The following SERP2 variants were observed in gnomAD, a reference collection of about 807,000 sequenced individuals.
SERP2 encodes stress associated endoplasmic reticulum protein family member 2.
Under a neutral mutation model 9.1 loss-of-function variants are expected in SERP2, and 6 were observed. The observed-to-expected ratio is 0.66, with a 90% CI of 0.36 to 1.30. SERP2 has a LOEUF of 1.30. Among genes scored for constraint, SERP2 ranks in the 50% most tolerant of loss-of-function variants. The pLI is 0.03. For missense variants in SERP2, 58 were observed against 81.9 expected, an observed-to-expected ratio of 0.71 and a Z score of 1.13; for synonymous variants, 37 against 27.3, an observed-to-expected ratio of 1.35 and a Z score of -1.10.
chr13:44,380,170 G>A (rs2138781146), intron 2 of SERP2, among the ~76,000 whole-genome samples: 1 of 152,308 alleles, frequency 6.6e-6, no homozygotes, highest in South Asian at 2.1e-4. Context: ...TGGGTCACCT[G>A]ATACTGTAAG....
intron 2 of SERP2, among the ~76,000 whole-genome samples, chr13:44,387,664 T>C (rs771857699): frequency 6.6e-6 from 1 of 152,224 alleles, no homozygotes; most frequent in Non-Finnish European, 1.5e-5. Context: ...ATTGACAGGA[T>C]GCAGCAATCT....
chr13:44,390,195 G>C (rs1384518141), intron 2 of SERP2, among the ~76,000 whole-genome samples: 2 of 152,320 alleles, frequency 1.3e-5, no homozygotes, highest in East Asian at 3.9e-4. Flanking sequence ...GAAAAAGTGT[G>C]TTTTCCAGAG....
At chr13:44,389,360 A>G (rs375331578) in intron 2 of SERP2, among the ~76,000 whole-genome samples, 147 of 152,316 alleles carry the variant, frequency 9.7e-4, no homozygotes, top group African/African-American at 3.3e-3. Flanking sequence ...AGAGGATGGT[A>G]CTGGTTCCTA....
chr13:44,374,431 T>C (rs1871520379), intron 1 of SERP2, among the ~76,000 whole-genome samples: 1 of 152,236 alleles, frequency 6.6e-6, no homozygotes, highest in Admixed American at 6.5e-5. Flanking sequence ...AGCTGGGCCT[T>C]GTCCCGGAGA....
chr13:44,392,333 G>A (rs1163330262), intron 2 of SERP2, among the ~76,000 whole-genome samples: 3 of 151,978 alleles, frequency 2.0e-5, no homozygotes, highest in Non-Finnish European at 4.4e-5. Flanking sequence ...TGATGTGCAG[G>A]TCATGAAGGC....
chr13:44,388,139 C>CT (rs11357439), intron 2 of SERP2, among the ~76,000 whole-genome samples: 5 of 148,432 alleles, frequency 3.4e-5, no homozygotes, highest in African/African-American at 1.2e-4. Context: ...GGTTTTTGGT[C>CT]TTTTTTTTTT....
intron 2 of SERP2, among the ~76,000 whole-genome samples, chr13:44,383,071 C>T (rs922560910): frequency 3.3e-5 from 5 of 152,098 alleles, no homozygotes; most frequent in South Asian, 2.1e-4. Flanking sequence ...CACTATGTGG[C>T]GGTGGCATGG....
intron 2 of SERP2, among the ~76,000 whole-genome samples, chr13:44,394,311 G>A (rs892759765): frequency 5.3e-5 from 8 of 152,094 alleles, no homozygotes; most frequent in African/African-American, 1.9e-4. Context: ...TTTTAGTGGA[G>A]ACGGGATTTC....
intron 2 of SERP2, among the ~76,000 whole-genome samples, chr13:44,395,178 A>G (rs1873016114): frequency 6.6e-6 from 1 of 152,180 alleles, no homozygotes; most frequent in African/African-American, 2.4e-5. Flanking sequence ...TGACATTCCT[A>G]TTGAGCCAGA....
In SERP2 at chr13:44,374,761, C is replaced by G. The variant is rs181006194; in HGVS notation, c.84+652C>G. 2.3e-3 allele frequency among the ~76,000 whole-genome samples: 343 copies of G among 152,224 alleles called. 1 individual carries two copies. The highest frequency in any genetic ancestry group is 7.8e-3 in the African/African-American group (322 of 41,524). On this transcript the variant is annotated intron_variant, in intron 1 of 2. Transcript: ENST00000379179. Reference sequence around the variant, plus strand: ...TTTGGACCCACATTCCCTCCAGCCTCTTTTTTCTCTTTTACCTCTCTTCCA... The same window carrying G: ...TTTGGACCCACATTCCCTCCAGCCTGTTTTTTCTCTTTTACCTCTCTTCCA...
rs186003345 is a variant in SERP2 at position 44,381,911 on chromosome 13, T to C, written c.157+2198T>C. Among the ~76,000 whole-genome samples the C allele has an allele frequency of 2.7e-4, 41 of 152,292 alleles. No individual in the cohort carries two copies. The East Asian group carries it at 7.3e-3, about 27-fold the overall frequency. Reference sequence around the variant, plus strand: ...AGGTTCATTTCCCTCCAGTAGGATATAAGCTCAGGGGAGACAGTGTTTATT... The same window carrying C: ...AGGTTCATTTCCCTCCAGTAGGATACAAGCTCAGGGGAGACAGTGTTTATT... On this transcript the variant is annotated intron_variant, in intron 2 of 2. Transcript: ENST00000379179.
intron 1 of SERP2, among the ~76,000 whole-genome samples, chr13:44,377,514 T>C (rs905921803): frequency 1.3e-5 from 2 of 152,230 alleles, no homozygotes; most frequent in Non-Finnish European, 2.9e-5. Context: ...GGCACAGTTA[T>C]CTTATGCAAT....
chr13:44,373,936 G>T lies in SERP2; in HGVS notation c.-90G>T. Reference sequence around the variant, plus strand: ...CACCTGCAGCGCCCGGGTGGGCCGCGGGGGCCTCGGCGGGACGCGCTCGGC... The same window carrying T: ...CACCTGCAGCGCCCGGGTGGGCCGCTGGGGCCTCGGCGGGACGCGCTCGGC... On this transcript the variant is annotated 5_prime_UTR_variant, in exon 1 of 3. Transcript: ENST00000379179. This position sits in a 1 kb window ranked among gnomAD's most constrained non-coding sequence, Gnocchi z 4.8. 8.0e-7 allele frequency: 1 copy of T among 1,251,232 alleles called. No individual in the cohort carries two copies. Among genetic ancestry groups the T allele is most frequent in the Non-Finnish European group, 1.1e-6 (1 of 893,492 alleles). The allele number at this position is 1,251,232 out of a possible 1,614,324, so 77.5% of individuals were successfully genotyped here. A position where few individuals can be genotyped will look rare whatever the true frequency, so the allele number is the denominator to read the frequency against.
rs559384580 is a variant in SERP2 at position 44,382,321 on chromosome 13, C to T, written c.157+2608C>T. Among the ~76,000 whole-genome samples, 5 of 150,684 alleles carry T rather than the reference C, an allele frequency of 3.3e-5. No homozygotes were observed. The East Asian group carries it at 9.9e-4, about 30-fold the overall frequency. On this transcript the variant is annotated intron_variant, in intron 2 of 2. Transcript: ENST00000379179. ...ACCTGGTGGCAGGTGCCTGTAGTCC[C>T]AGCTACTTAGGAGGCTGAGGCAGGA...
intron 2 of SERP2, among the ~76,000 whole-genome samples, chr13:44,392,587 T>A (rs1476181245): frequency 6.6e-6 from 1 of 151,832 alleles, no homozygotes; most frequent in African/African-American, 2.4e-5. Context: ...CCAGGTAAAA[T>A]CCACAGGTCT....
chr13:44,397,665 C>T lies in SERP2; in HGVS notation c.*353C>T, dbSNP rs1264536716. The T allele has an allele frequency of 1.2e-5, 4 of 323,892 alleles. No homozygotes were observed. The highest frequency in any genetic ancestry group is 3.4e-5 in the South Asian group (1 of 29,106). The allele number at this position is 323,892 out of a possible 1,614,324, so 20.1% of individuals were successfully genotyped here. A position where few individuals can be genotyped will look rare whatever the true frequency, so the allele number is the denominator to read the frequency against. ...GGTTTACTTTCTATGGATACAATCTCTCCTCCATTGAGAATTGATTTTACA... is the reference window on the plus strand; with the variant it reads ...GGTTTACTTTCTATGGATACAATCTTTCCTCCATTGAGAATTGATTTTACA... On this transcript the variant is annotated 3_prime_UTR_variant, in exon 3 of 3. Transcript: ENST00000379179.
Position 44,388,878 on chromosome 13 carries a change from C to A in SERP2, c.158-8394C>A, listed in dbSNP as rs193201079. The stretch of plus-strand genomic sequence containing the variant: ...CTCTCCATTTCTGGAAGGGCCACAC[C>A]CAAACTTTCCCCAGGACTGGCTGTT... On this transcript the variant is annotated intron_variant, in intron 2 of 2. Coordinates refer to ENST00000379179, the MANE Select transcript of SERP2 (RefSeq NM_001010897.3). Among the ~76,000 whole-genome samples the A allele has an allele frequency of 4.0e-4, 61 of 152,254 alleles. No individual in the cohort carries two copies. The East Asian group carries it at 0.011, about 27-fold the overall frequency.
At chr13:44,376,774 A>T (rs1566089425) in intron 1 of SERP2, among the ~76,000 whole-genome samples, 1 of 145,170 alleles carries the variant, frequency 6.9e-6, no homozygotes, top group Non-Finnish European at 1.5e-5. Flanking sequence ...GACTCCGTCT[A>T]AAAAAAAAAA....
intron 2 of SERP2, among the ~76,000 whole-genome samples, chr13:44,381,549 A>G (rs978074285): frequency 6.6e-6 from 1 of 152,226 alleles, no homozygotes; most frequent in Non-Finnish European, 1.5e-5. Context: ...CTCAAAAAAA[A>G]AGTATAGCAT....
Sources: allele counts gnomAD v4.1 joint callset (sites outside exome capture counted in the v4.1 genomes callset), GRCh38; gene constraint gnomAD v4.1.1; non-coding constraint Gnocchi (gnomAD v3.1); transcripts MANE v1.5; gene names NCBI Gene and HGNC (gene_info 2026-07-23, HGNC 2026-07-21).